The following NCK2 variants were observed in gnomAD, a reference collection of about 807,000 sequenced individuals.
NCK2 encodes NCK adaptor protein 2.
In NCK2, 16 loss-of-function variants were observed where a neutral mutation model predicts 33.9. That is an observed-to-expected ratio of 0.47 (90% CI 0.32 to 0.72). The LOEUF (loss-of-function observed/expected upper bound fraction) is 0.72, where lower values mean the gene tolerates loss of function less well. Among genes scored for constraint, NCK2 ranks in the 30% least tolerant of loss-of-function variants. The pLI, the probability that NCK2 is intolerant of heterozygous loss-of-function variation, is 0.03. For synonymous variants in NCK2, 273 were observed against 239.9 expected, an observed-to-expected ratio of 1.14 and a Z score of -1.27; for missense variants, 418 against 537.3, an observed-to-expected ratio of 0.78 and a Z score of 2.19.
chr2:105,889,703 C>T (rs1678893830), intron 4 of NCK2, among the ~76,000 whole-genome samples: 3 of 151,986 alleles, frequency 2.0e-5, no homozygotes, highest in Non-Finnish European at 4.4e-5. Flanking sequence ...CCCACCCTGG[C>T]CTCCCAAGTA....
At chr2:105,754,049 C>T (rs1345316912) in intron 1 of NCK2, among the ~76,000 whole-genome samples, 2 of 152,178 alleles carry the variant, frequency 1.3e-5, no homozygotes, top group Admixed American at 6.5e-5. Context: ...GTTGAGCAGC[C>T]CTCCCTGGAG....
At chr2:105,782,278 A>G (rs1014117391) in intron 1 of NCK2, among the ~76,000 whole-genome samples, 3 of 151,404 alleles carry the variant, frequency 2.0e-5, no homozygotes, top group Non-Finnish European at 4.4e-5. Flanking sequence ...GTGTAGATGG[A>G]TGGATTATCA....
intron 3 of NCK2, among the ~76,000 whole-genome samples, chr2:105,873,702 C>A (rs972027576): frequency 1.3e-5 from 2 of 152,028 alleles, no homozygotes; most frequent in African/African-American, 4.8e-5. Context: ...AAAGTCAACT[C>A]AAAAGTAACT....
chr2:105,775,175 G>A (rs970152852), intron 1 of NCK2, among the ~76,000 whole-genome samples: 5 of 152,156 alleles, frequency 3.3e-5, no homozygotes, highest in Admixed American at 1.3e-4. Context: ...TGGTTTTTAC[G>A]TGTTAGTCAT....
chr2:105,818,524 A>G (rs116428598), intron 2 of NCK2, among the ~76,000 whole-genome samples: 5,845 of 152,180 alleles, frequency 0.038, 128 homozygotes, highest in South Asian at 0.085. Context: ...TATTTCCAAC[A>G]TGGTATATTT....
At chr2:105,819,653 G>A (rs1011777684) in intron 2 of NCK2, among the ~76,000 whole-genome samples, 6 of 152,198 alleles carry the variant, frequency 3.9e-5, no homozygotes, top group African/African-American at 9.6e-5. Flanking sequence ...CGGGTGCCAC[G>A]TAGACAAGAC....
At chr2:105,817,214 AGATGAAG>A (rs1164197661) in intron 2 of NCK2, among the ~76,000 whole-genome samples, 6 of 151,888 alleles carry the variant, frequency 4.0e-5, no homozygotes, top group Non-Finnish European at 8.8e-5. Flanking sequence ...AGATGCAGAC[AGATGAAG>A]GATTCTCAGG....
At chr2:105,844,258 G>T (rs1676763830) in intron 2 of NCK2, among the ~76,000 whole-genome samples, 1 of 152,260 alleles carries the variant, frequency 6.6e-6, no homozygotes, top group East Asian at 1.9e-4. Flanking sequence ...ACTAAATGTA[G>T]TGTGGGATCC....
chr2:105,838,152 A>AT, intron 2 of NCK2, among the ~76,000 whole-genome samples: 1 of 151,724 alleles, frequency 6.6e-6, no homozygotes, highest in Non-Finnish European at 1.5e-5. Context: ...AAACCTTAGC[A>AT]TTTTCAAGTC....
intron 1 of NCK2, among the ~76,000 whole-genome samples, chr2:105,795,388 A>C (rs1422565622): frequency 6.6e-6 from 1 of 152,130 alleles, no homozygotes; most frequent in Non-Finnish European, 1.5e-5. Context: ...ATTATATGGT[A>C]TATTGTAACT....
chr2:105,761,014 G>A lies in NCK2; in HGVS notation c.-201+15876G>A, dbSNP rs188214621. Reference sequence around the variant, plus strand: ...TCTGGGTGGCCCTCATCCTGCTTCCGCCTGAGGAAGCCCTGGTCTGTGACT... The same window carrying A: ...TCTGGGTGGCCCTCATCCTGCTTCCACCTGAGGAAGCCCTGGTCTGTGACT... On this transcript the variant is annotated intron_variant, in intron 1 of 4. Coordinates refer to ENST00000233154, the MANE Select transcript of NCK2 (RefSeq NM_003581.5). 1.5e-3 allele frequency among the ~76,000 whole-genome samples: 233 copies of A among 152,290 alleles called. 2 individuals carry two copies. The highest frequency in any genetic ancestry group is 4.8e-3 in the African/African-American group (199 of 41,550).
intron 4 of NCK2, among the ~76,000 whole-genome samples, chr2:105,888,278 T>G (rs1678799299): frequency 6.6e-6 from 1 of 152,214 alleles, no homozygotes; most frequent in African/African-American, 2.4e-5. Flanking sequence ...GGAAAAATCA[T>G]TCCTTATAAG....
At chr2:105,838,666 T>C (rs935394866) in intron 2 of NCK2, among the ~76,000 whole-genome samples, 2 of 152,248 alleles carry the variant, frequency 1.3e-5, no homozygotes, top group African/African-American at 4.8e-5. Flanking sequence ...ACATGCAAGG[T>C]AGGGCCTCAG....
chr2:105,818,632 G>A (rs1675603362), intron 2 of NCK2, among the ~76,000 whole-genome samples: 1 of 152,110 alleles, frequency 6.6e-6, no homozygotes, highest in Non-Finnish European at 1.5e-5. Flanking sequence ...CCAACTTTTA[G>A]GTGATATGTC....
At chr2:105,892,931 C>CA in intron 4 of NCK2, 51 bp from the exon 5 acceptor site, 1 of 1,508,454 alleles carries the variant, frequency 6.6e-7, no homozygotes. Flanking sequence ...TGGATTTAGA[C>CA]ACAGCTCCCC....
intron 4 of NCK2, 124 bp downstream of exon 4, chr2:105,882,173 T>C (rs924256600): frequency 1.8e-6 from 2 of 1,127,438 alleles, no homozygotes; most frequent in Non-Finnish European, 2.3e-6. Flanking sequence ...CGCAGATGAA[T>C]GCAATTTAGT....
chr2:105,791,616 G>A (rs1690887450), intron 1 of NCK2, among the ~76,000 whole-genome samples: 1 of 152,162 alleles, frequency 6.6e-6, no homozygotes, highest in African/African-American at 2.4e-5. Context: ...AGAGCAAAGA[G>A]CATTTCGAAC....
chr2:105,823,974 C>T (rs773334365), intron 2 of NCK2, among the ~76,000 whole-genome samples: 4 of 152,096 alleles, frequency 2.6e-5, no homozygotes, highest in Non-Finnish European at 5.9e-5. Context: ...AGTCCCTGGC[C>T]GGCGTGAACT....
At chr2:105,892,247 G>A (rs1679019167) in intron 4 of NCK2, among the ~76,000 whole-genome samples, 1 of 151,984 alleles carries the variant, frequency 6.6e-6, no homozygotes, top group Admixed American at 6.6e-5. Flanking sequence ...GACATCAGAA[G>A]TAGTAAAATT....
Sources: gnomAD v4.1 joint callset for allele counts (sites outside exome capture counted in the v4.1 genomes callset) on GRCh38, gnomAD v4.1.1 for gene constraint, MANE v1.5 for transcripts, NCBI Gene and HGNC (gene_info 2026-07-23, HGNC 2026-07-21) for gene names.